RNF180: variants seen among roughly 807,000 people sequenced by gnomAD.
RNF180 encodes E3 ubiquitin-protein ligase RNF180.
RNF180 carries 38 observed loss-of-function variants against 59.2 expected under a neutral mutation model. The ratio of observed to expected loss-of-function variants is 0.64; its 90% CI spans 0.50 to 0.84. RNF180 has a LOEUF of 0.84. Ranked by LOEUF, RNF180 falls within the 40% of genes least tolerant of loss-of-function variation. The pLI, the probability that RNF180 is intolerant of heterozygous loss-of-function variation, is 0.00. For synonymous variants in RNF180, 262 were observed against 240.3 expected (o/e 1.09, Z -0.84); for missense variants, 705 against 700.9 (o/e 1.01, Z -0.07).
chr5:64,251,207 G>C (rs1743553372), intron 5 of RNF180, among the ~76,000 whole-genome samples: 2 of 152,084 alleles, frequency 1.3e-5, no homozygotes, highest in South Asian at 4.1e-4. Context: ...ACACAACACA[G>C]ACCATATTTG....
At position 64,217,390 on chromosome 5, in the gene RNF180, T is replaced by TC. The variant is rs1752687129; in HGVS notation, c.1222dup (p.His408ProfsTer6). Reference sequence around the variant, plus strand: ...AATACTCAGGAGTGGGATTGCTGGATCATATGGTAAGTATATATTTACTTA... The same window carrying TC: ...AATACTCAGGAGTGGGATTGCTGGATCCATATGGTAAGTATATATTTACTTA... On this transcript the variant is annotated frameshift_variant, in exon 5 of 8. Transcript: ENST00000389100. LOFTEE classifies it high-confidence loss of function. 2.8e-6 allele frequency: 4 copies of TC among 1,419,890 alleles called. No individual in the cohort carries two copies. Among genetic ancestry groups the TC allele is most frequent in the Admixed American group, 2.6e-5 (1 of 38,522 alleles). 88.0% of individuals were successfully genotyped at this position (1,419,890 alleles called of 1,614,324 possible). A position where few individuals can be genotyped will look rare whatever the true frequency, so the allele number is the denominator to read the frequency against.
intron 4 of RNF180, among the ~76,000 whole-genome samples, chr5:64,216,015 T>A (rs1420666342): frequency 2.0e-5 from 3 of 152,028 alleles, no homozygotes; most frequent in Non-Finnish European, 2.9e-5. Context: ...GATGAAGTTA[T>A]TTGTATTCAT....
rs1317500273 is a variant in RNF180 at position 64,225,733 on chromosome 5, G to A, written c.1227+8337G>A. 1.4e-4 allele frequency among the ~76,000 whole-genome samples: 19 copies of A among 140,700 alleles called. No homozygotes were observed. The South Asian group carries it at 1.6e-3, about 12-fold the overall frequency. 92.3% of individuals were successfully genotyped at this position (140,700 alleles called of 152,430 possible). ...CCGCCCCGTCTGGGAAGTGAGGAGC[G>A]CCTCTGCCTGGCCACCCTTCGTCTG... On this transcript the variant is annotated intron_variant, in intron 5 of 7. Coordinates refer to ENST00000389100, the MANE Select transcript of RNF180 (RefSeq NM_001113561.2).
chr5:64,292,025 T>C (rs1742617599), intron 5 of RNF180, among the ~76,000 whole-genome samples: 5 of 152,158 alleles, frequency 3.3e-5, no homozygotes, highest in Non-Finnish European at 1.5e-5. Flanking sequence ...GGTTATCAAC[T>C]CCTGTATTAT....
rs552409529 is a variant in RNF180 at position 64,213,496 on chromosome 5, A to T, written c.232-62A>T. On this transcript the variant is annotated intron_variant, in intron 3 of 7. Coordinates refer to ENST00000389100, the MANE Select transcript of RNF180 (RefSeq NM_001113561.2). ...CATGTGGCTGGCTTTAAAGAAAAAA[A>T]AATTTCTCTTCAGTTACTTTATAAT... The T allele has an allele frequency of 4.0e-6, 6 of 1,490,188 alleles. No individual in the cohort carries two copies. In the East Asian group the frequency reaches 9.1e-5, roughly 23 times the overall value. The allele number at this position is 1,490,188 out of a possible 1,614,324, so 92.3% of individuals were successfully genotyped here. A position where few individuals can be genotyped will look rare whatever the true frequency, so the allele number is the denominator to read the frequency against.
intron 5 of RNF180, among the ~76,000 whole-genome samples, chr5:64,302,110 T>C (rs1445785920): frequency 1.3e-5 from 2 of 151,560 alleles, no homozygotes; most frequent in South Asian, 2.1e-4. Context: ...CAAGTCTCCA[T>C]ATGGCCCTTC....
intron 5 of RNF180, among the ~76,000 whole-genome samples, chr5:64,312,067 T>G (rs1743796846): frequency 6.6e-6 from 1 of 151,980 alleles, no homozygotes; most frequent in African/African-American, 2.4e-5. Flanking sequence ...AGGAGAAAAT[T>G]GTCATCACAG....
chr5:64,353,004 A>G (rs1484059249), intron 7 of RNF180, among the ~76,000 whole-genome samples: 1 of 151,884 alleles, frequency 6.6e-6, no homozygotes, highest in Non-Finnish European at 1.5e-5. Flanking sequence ...AGTCTGTTCC[A>G]CAACCTAAAT....
intron 7 of RNF180, among the ~76,000 whole-genome samples, chr5:64,351,956 G>A (rs951977170): frequency 6.6e-6 from 1 of 152,016 alleles, no homozygotes; most frequent in Non-Finnish European, 1.5e-5. Context: ...CTATTGATTG[G>A]AATAGTTTCA....
rs182806038 is a variant in RNF180, at chr5:64,242,203, C to A, written c.1227+24807C>A. Among the ~76,000 whole-genome samples, 6 of 152,304 alleles carry A rather than the reference C, an allele frequency of 3.9e-5. 1 individual carries two copies. The highest frequency in any genetic ancestry group is 9.6e-5 in the African/African-American group (4 of 41,562). On this transcript the variant is annotated intron_variant, in intron 5 of 7. Coordinates refer to ENST00000389100, the MANE Select transcript of RNF180 (RefSeq NM_001113561.2). ...GGGCTTCTGTCAGCCCTACACTGAT[C>A]GTGGCTGCTTCTGGCACCCCAGCAC... is the stretch of plus-strand genomic sequence containing the variant.
intron 7 of RNF180, among the ~76,000 whole-genome samples, chr5:64,361,718 GA>G (rs1746260130): frequency 6.6e-6 from 1 of 151,456 alleles, no homozygotes; most frequent in African/African-American, 2.4e-5. Flanking sequence ...TTATCACAAA[GA>G]ATAAGTTATG....
At chr5:64,347,880 G>T (rs538807202) in intron 7 of RNF180, among the ~76,000 whole-genome samples, 173 of 152,068 alleles carry the variant, frequency 1.1e-3, no homozygotes, top group Admixed American at 4.3e-3. Context: ...GCAATGAAGT[G>T]GTTTTTGTTG....
intron 7 of RNF180, among the ~76,000 whole-genome samples, chr5:64,339,127 T>C (rs1323110670): frequency 3.3e-5 from 5 of 152,122 alleles, no homozygotes; most frequent in Admixed American, 3.3e-4. Flanking sequence ...GATTATCTAC[T>C]CATTTTTCTG....
intron 5 of RNF180, among the ~76,000 whole-genome samples, chr5:64,272,824 T>G (rs1428636739): frequency 2.0e-5 from 3 of 151,836 alleles, no homozygotes; most frequent in Non-Finnish European, 4.4e-5. Flanking sequence ...TTGAATTAGT[T>G]AAAGAAAATT....
intron 5 of RNF180, among the ~76,000 whole-genome samples, chr5:64,256,502 A>G (rs1188295432): frequency 6.6e-6 from 1 of 152,194 alleles, no homozygotes; most frequent in Non-Finnish European, 1.5e-5. Flanking sequence ...GTCAAAGATC[A>G]GATGGTTGTA....
chr5:64,322,890 C>G (rs980940030), intron 5 of RNF180, among the ~76,000 whole-genome samples: 1 of 151,966 alleles, frequency 6.6e-6, no homozygotes, highest in African/African-American at 2.4e-5. Context: ...GTATACTGCT[C>G]AGGTGATGGG....
intron 1 of RNF180, among the ~76,000 whole-genome samples, chr5:64,186,397 CA>C (rs1750877047): frequency 6.6e-6 from 1 of 152,046 alleles, no homozygotes; most frequent in Admixed American, 6.6e-5. Context: ...TCTAAGAAGT[CA>C]GCCTGAGAAG....
chr5:64,252,869 C>T (rs1743671612), intron 5 of RNF180, among the ~76,000 whole-genome samples: 1 of 151,944 alleles, frequency 6.6e-6, no homozygotes, highest in African/African-American at 2.4e-5. Context: ...TCAGCAGAGC[C>T]AGTATTAACA....
intron 5 of RNF180, among the ~76,000 whole-genome samples, chr5:64,287,621 G>T (rs991414956): frequency 3.3e-5 from 5 of 152,148 alleles, no homozygotes; most frequent in African/African-American, 1.2e-4. Context: ...TTGCCATTCT[G>T]ACTGGCGTGC....
Sources: allele counts gnomAD v4.1 joint callset (sites outside exome capture counted in the v4.1 genomes callset), GRCh38; gene constraint gnomAD v4.1.1; transcripts MANE v1.5; gene names NCBI Gene and HGNC (gene_info 2026-07-23, HGNC 2026-07-21).